AACS: variants seen among roughly 807,000 people sequenced by gnomAD.
AACS encodes acetoacetyl-CoA synthetase, also known as acetoacetate-CoA ligase.
AACS carries 69 observed loss-of-function variants against 83.1 expected under a neutral mutation model. The ratio of observed to expected loss-of-function variants is 0.83; its 90% CI spans 0.68 to 1.01. The LOEUF is 1.01. Among genes scored for constraint, AACS ranks in the 50% least tolerant of loss-of-function variants. AACS has a pLI of 0.00. For missense variants in AACS, 866 were observed against 882.2 expected, an observed-to-expected ratio of 0.98 and a Z score of 0.23; for synonymous variants, 333 against 343.4, an observed-to-expected ratio of 0.97 and a Z score of 0.33.
At chr12:125,118,505 G>C in intron 9 of AACS, 136 bp from the exon 10 acceptor site, 1 of 1,203,264 alleles carries the variant, frequency 8.3e-7, no homozygotes, top group Admixed American at 2.5e-5. Flanking sequence ...AGAGTGTCCT[G>C]CATTTGAAAT....
intron 16 of AACS, among the ~76,000 whole-genome samples, chr12:125,136,350 C>G (rs951851463): frequency 9.2e-5 from 14 of 152,194 alleles, no homozygotes; most frequent in Non-Finnish European, 1.2e-4. Flanking sequence ...ATGCCCGGCC[C>G]TCTTTTTTAT....
intron 14 of AACS, 146 bp from the exon 15 acceptor site, chr12:125,133,857 G>A (rs914676844): frequency 2.6e-6 from 2 of 760,284 alleles, no homozygotes; most frequent in African/African-American, 3.5e-5. Flanking sequence ...GGCAGGAACT[G>A]TCTGGCTCCC....
At position 125,143,048 on chromosome 12, in the gene AACS, C is replaced by T. The variant is rs978037369; in HGVS notation, c.*819C>T. ...AGGAACCGCATCCCTGTGCTGCCTC[C>T]ACCTGAGAGTTGCTAGGGGGTTCTT... is the stretch of plus-strand genomic sequence containing the variant. On this transcript the variant is annotated 3_prime_UTR_variant, in exon 18 of 18. Coordinates refer to ENST00000316519, the MANE Select transcript of AACS (RefSeq NM_023928.5). 1 of 152,244 alleles carries T rather than the reference C, an allele frequency of 6.6e-6. No homozygotes were observed. Among genetic ancestry groups the T allele is most frequent in the African/African-American group, 2.4e-5 (1 of 41,440 alleles). The allele number at this position is 152,244 out of a possible 1,614,324, so 9.4% of individuals were successfully genotyped here. A position where few individuals can be genotyped will look rare whatever the true frequency, so the allele number is the denominator to read the frequency against.
At position 125,129,203 on chromosome 12, in the gene AACS, G is replaced by A. The variant is rs953279234; in HGVS notation, c.1424-132G>A. 8 of 1,282,832 alleles carry A rather than the reference G, an allele frequency of 6.2e-6. No individual in the cohort carries two copies. Among genetic ancestry groups the A allele is most frequent in the Admixed American group, 3.0e-5 (1 of 33,474 alleles). The allele number at this position is 1,282,832 out of a possible 1,614,324, so 79.5% of individuals were successfully genotyped here. ...AGGCTGCTGTGACAGGTGTGTGGGC[G>A]TGGACCATCTCTGTACCTTTGTATA... On this transcript the variant is annotated intron_variant, in intron 13 of 17. Transcript: ENST00000316519. This position sits in a 1 kb window ranked among gnomAD's most constrained non-coding sequence, Gnocchi z 4.3.
At chr12:125,123,385 G>A (rs1005470126) in intron 10 of AACS, 2 of 152,238 alleles carry the variant, frequency 1.3e-5, no homozygotes, top group Admixed American at 1.3e-4. Flanking sequence ...CTGAGTTTAT[G>A]AAAGAAGCAT....
chr12:125,075,300 C>T (rs1042825319), intron 2 of AACS, among the ~76,000 whole-genome samples: 3 of 150,326 alleles, frequency 2.0e-5, no homozygotes, highest in East Asian at 2.0e-4. Context: ...TTAGAAGTTT[C>T]GTTCTTTATT....
intron 3 of AACS, among the ~76,000 whole-genome samples, chr12:125,081,001 A>G (rs1041819074): frequency 2.5e-5 from 3 of 118,022 alleles, no homozygotes; most frequent in African/African-American, 1.0e-4. Flanking sequence ...TTTTTATTTT[A>G]TTTTATTTTG....
At chr12:125,136,334 G>A (rs1002382278) in intron 16 of AACS, 3 of 313,582 alleles carry the variant, frequency 9.6e-6, no homozygotes, top group East Asian at 1.6e-4. Flanking sequence ...ATAGGCGTGA[G>A]CCACCATGCC....
At chr12:125,114,058 G>C (rs7398636) in intron 8 of AACS, among the ~76,000 whole-genome samples, 52,871 of 143,792 alleles carry the variant, frequency 0.37, 9,609 homozygotes, top group East Asian at 0.46. Flanking sequence ...CCCTCACCCC[G>C]CTGTTCCCTG....
At chr12:125,096,031 C>A (rs2136082519) in intron 5 of AACS, among the ~76,000 whole-genome samples, 1 of 152,338 alleles carries the variant, frequency 6.6e-6, no homozygotes, top group East Asian at 1.9e-4. Context: ...GTGGCGCGAT[C>A]TCGGCTCACT....
rs117889774 is a variant in AACS, at chr12:125,129,846, G to A, written c.1549+386G>A. 9.5e-3 allele frequency among the ~76,000 whole-genome samples: 1,449 copies of A among 152,202 alleles called. 11 individuals are homozygous for A. Among genetic ancestry groups the A allele is most frequent in the Non-Finnish European group, 0.014 (983 of 68,004 alleles). ...GGCATGTGGAAGTGGCGTCTGGCTCGGGTCTCTTCCTTCGTGTCTCTCACC... is the reference window on the plus strand; with the variant it reads ...GGCATGTGGAAGTGGCGTCTGGCTCAGGTCTCTTCCTTCGTGTCTCTCACC... On this transcript the variant is annotated intron_variant, in intron 14 of 17. Coordinates refer to ENST00000316519, the MANE Select transcript of AACS (RefSeq NM_023928.5). This position sits in a 1 kb window ranked among gnomAD's most constrained non-coding sequence, Gnocchi z 4.3.
chr12:125,114,138 T>G (rs1957005846), intron 8 of AACS, among the ~76,000 whole-genome samples: 1 of 151,948 alleles, frequency 6.6e-6, no homozygotes, highest in South Asian at 2.1e-4. Context: ...GTTGACTCTC[T>G]TCTCAGGAAG....
chr12:125,071,660 G>A (rs1202240310), intron 1 of AACS, among the ~76,000 whole-genome samples: 1 of 152,148 alleles, frequency 6.6e-6, no homozygotes, highest in Non-Finnish European at 1.5e-5. Context: ...GAGTGTGTCT[G>A]AAGAGTCGCA....
At position 125,134,015 on chromosome 12, in the gene AACS, A is replaced by C; in HGVS notation, c.1562A>C (p.His521Pro). 1 of 1,614,170 alleles carries C rather than the reference A, an allele frequency of 6.2e-7. No homozygotes were observed. Among genetic ancestry groups the C allele is most frequent in the Middle Eastern group, 1.6e-4 (1 of 6,062 alleles). ...GCTGTCTTTGCAGGTATCTGGGCTC[A>C]TGGCGACTACTGCAGAATCAACCCC... ...YFSKFPGIWA[H>P]GDYCRINPKT... Residue 521 changes from histidine (H) to proline (P), a missense_variant, in exon 15 of 18, where the codon CAT becomes CCT. Transcript: ENST00000316519.
At chr12:125,065,956 CG>C (rs1359710182) in intron 1 of AACS, among the ~76,000 whole-genome samples, 1 of 152,224 alleles carries the variant, frequency 6.6e-6, no homozygotes, top group Non-Finnish European at 1.5e-5. Context: ...ACCCTCTCCC[CG>C]GGAGTGTCAC....
At chr12:125,114,761 C>T (rs540991299) in intron 9 of AACS, among the ~76,000 whole-genome samples, 9 of 149,722 alleles carry the variant, frequency 6.0e-5, no homozygotes, top group Admixed American at 2.0e-4. Flanking sequence ...CTTCCCCAGG[C>T]GCCGGCCCGT....
At chr12:125,075,150 T>G (rs1417758699) in intron 2 of AACS, among the ~76,000 whole-genome samples, 2 of 151,024 alleles carry the variant, frequency 1.3e-5, no homozygotes, top group Non-Finnish European at 2.9e-5. Flanking sequence ...AATTTTTGTA[T>G]TTTTAGTAGA....
At chr12:125,105,712 G>T (rs1956820162) in intron 7 of AACS, 1 of 152,212 alleles carries the variant, frequency 6.6e-6, no homozygotes, top group Non-Finnish European at 1.5e-5. Flanking sequence ...AGCAGAAACG[G>T]GTACGTGCCC....
intron 7 of AACS, among the ~76,000 whole-genome samples, chr12:125,104,720 C>G (rs1240536031): frequency 6.6e-6 from 1 of 152,208 alleles, no homozygotes; most frequent in Admixed American, 6.5e-5. Flanking sequence ...GTTCAGCTCT[C>G]AGCTGTGTGA....
Sources: allele counts gnomAD v4.1 joint callset (sites outside exome capture counted in the v4.1 genomes callset), GRCh38; gene constraint gnomAD v4.1.1; non-coding constraint Gnocchi (gnomAD v3.1); transcripts MANE v1.5; gene names NCBI Gene and HGNC (gene_info 2026-07-23, HGNC 2026-07-21).